SLC45A4: variants seen among roughly 807,000 people sequenced by gnomAD.
SLC45A4 encodes the protein solute carrier family 45 member 4.
SLC45A4 carries 32 observed loss-of-function variants against 63.7 expected under a neutral mutation model. The ratio of observed to expected loss-of-function variants is 0.50; its 90% confidence interval spans 0.38 to 0.67. SLC45A4 has a LOEUF of 0.67. SLC45A4 is among the 30% of genes least tolerant of loss of function. The pLI is 0.00. For synonymous variants in SLC45A4, 535 were observed against 510.0 expected (o/e 1.05, Z -0.66); for missense variants, 1,027 against 1,157.7 (o/e 0.89, Z 1.64).
At chr8:141,251,443 C>T (rs1274244451) in intron 2 of SLC45A4, among the ~76,000 whole-genome samples, 1 of 151,780 alleles carries the variant, frequency 6.6e-6, no homozygotes, top group East Asian at 1.9e-4. Flanking sequence ...TCTCGAAGCG[C>T]CCCCCCTGCC....
At chr8:141,297,209 C>A (rs1413039318) in intron 1 of SLC45A4, among the ~76,000 whole-genome samples, 1 of 152,160 alleles carries the variant, frequency 6.6e-6, no homozygotes. Context: ...TCCCTGGCTG[C>A]CTTCCCCTCT....
At chr8:141,269,123 C>G (rs947159739) in intron 1 of SLC45A4, among the ~76,000 whole-genome samples, 3 of 152,224 alleles carry the variant, frequency 2.0e-5, no homozygotes, top group South Asian at 4.1e-4. Context: ...GGGAGCGCCA[C>G]GAGCTCCACC....
chr8:141,294,346 G>C (rs1469926236), intron 1 of SLC45A4, among the ~76,000 whole-genome samples: 2 of 152,256 alleles, frequency 1.3e-5, no homozygotes, highest in Non-Finnish European at 2.9e-5. Flanking sequence ...GCGTGCAGAG[G>C]GAACGTGCAC....
intron 6 of SLC45A4, 117 bp downstream of exon 6, chr8:141,216,973 C>G (rs549235468): frequency 9.6e-7 from 1 of 1,042,864 alleles, no homozygotes; most frequent in Non-Finnish European, 1.4e-6. Flanking sequence ...TTTGAGGGAC[C>G]CAGAAGTCAG....
intron 1 of SLC45A4, among the ~76,000 whole-genome samples, chr8:141,282,294 C>G (rs1452400037): frequency 6.6e-6 from 1 of 152,218 alleles, no homozygotes; most frequent in African/African-American, 2.4e-5. Context: ...CTATGCTCCT[C>G]CTGCCTTCCC....
intron 1 of SLC45A4, among the ~76,000 whole-genome samples, chr8:141,287,312 G>T (rs1324393977): frequency 6.6e-6 from 1 of 152,188 alleles, no homozygotes; most frequent in African/African-American, 2.4e-5. Context: ...CTCTCCCGGC[G>T]GATACTAACT....
chr8:141,286,255 C>T (rs947397816), intron 1 of SLC45A4, among the ~76,000 whole-genome samples: 3 of 152,152 alleles, frequency 2.0e-5, no homozygotes, highest in South Asian at 2.1e-4. Context: ...TTCCTTCCCT[C>T]GGGAGCTGAG....
chr8:141,247,089 A>G (rs1245613928), intron 2 of SLC45A4, among the ~76,000 whole-genome samples: 1 of 152,252 alleles, frequency 6.6e-6, no homozygotes, highest in African/African-American at 2.4e-5. Flanking sequence ...AGCTGAAAGC[A>G]TAGTCTTTGA....
chr8:141,283,322 A>T (rs1563672459), intron 1 of SLC45A4, among the ~76,000 whole-genome samples: 2 of 152,196 alleles, frequency 1.3e-5, no homozygotes, highest in Admixed American at 1.3e-4. Flanking sequence ...TCTAAGGGGC[A>T]CCAGTGGCAG....
Position 141,249,898 on chromosome 8 carries a change from A to G in SLC45A4, c.241+4091T>C, listed in dbSNP as rs185683771. 5.1e-3 allele frequency among the ~76,000 whole-genome samples: 776 copies of G among 152,342 alleles called. 6 individuals carry two copies. The highest frequency in any genetic ancestry group is 0.02 in the Middle Eastern group (6 of 294). On this transcript the variant is annotated intron_variant, in intron 2 of 8. Transcript: ENST00000517878. ...ACAAACTCATTAAAGCCCTGTTCCTATAACCTGTAAAAATACCTTCTATTC... is the reference window on the plus strand; with the variant it reads ...ACAAACTCATTAAAGCCCTGTTCCTGTAACCTGTAAAAATACCTTCTATTC...
chr8:141,300,399 A>G (rs1282446991), intron 1 of SLC45A4, among the ~76,000 whole-genome samples: 2 of 152,228 alleles, frequency 1.3e-5, no homozygotes, highest in African/African-American at 4.8e-5. Context: ...ACCAAATTTC[A>G]TTAGGTCTAA....
chr8:141,213,699 G>A (rs533776755), intron 7 of SLC45A4, among the ~76,000 whole-genome samples: 13 of 152,208 alleles, frequency 8.5e-5, no homozygotes, highest in Admixed American at 5.9e-4. Flanking sequence ...CAGTGAACGC[G>A]CAAGCACGCG....
chr8:141,274,208 A>T (rs1829644598), intron 1 of SLC45A4, among the ~76,000 whole-genome samples: 1 of 143,792 alleles, frequency 7.0e-6, no homozygotes, highest in Non-Finnish European at 1.5e-5. Flanking sequence ...CAGCCTGGGC[A>T]ACAGAGGGAG....
In SLC45A4 at chr8:141,212,292, C is replaced by T. The variant is rs748871431; in HGVS notation, c.2206G>A (p.Gly736Ser). 31 of 1,607,080 alleles carry T rather than the reference C, an allele frequency of 1.9e-5. No homozygotes were observed. The highest frequency in any genetic ancestry group is 1.5e-4 in the Admixed American group (9 of 59,650). The part of the protein sequence containing the change: ...EQKGLSSPLA[G>S]EGRAGGNSEK... ...CTGTTCCCACCGGCCCTGCCTTCGC[C>T]GGCCAACGGGGAAGACAGGCCTTTC... Residue 736 changes from glycine (G) to serine (S), a missense_variant, in exon 8 of 9, where the codon GGC becomes AGC. Transcript: ENST00000517878.
chr8:141,227,320 C>T lies in SLC45A4; in HGVS notation c.242-5555G>A, dbSNP rs999917658. Among the ~76,000 whole-genome samples, 5 of 150,226 alleles carry T rather than the reference C, an allele frequency of 3.3e-5. No individual in the cohort carries two copies. The highest frequency in any genetic ancestry group is 2.1e-4 in the South Asian group (1 of 4,714). On this transcript the variant is annotated intron_variant, in intron 2 of 8. Transcript: ENST00000517878. The surrounding 1 kb of genome is among the most constrained non-coding windows in gnomAD (Gnocchi z 4.4). ...GGACTTTCTGGTGAGGGGAGACTGG[C>T]GGGGGGTGGGGAGGGCAAGGAGTGG...
At chr8:141,255,740 AAC>A in intron 1 of SLC45A4, among the ~76,000 whole-genome samples, 1 of 75,288 alleles carries the variant, frequency 1.3e-5, no homozygotes, top group Non-Finnish European at 2.5e-5. Context: ...AAAACAAACA[AAC>A]AAAAAAAACA....
intron 2 of SLC45A4, among the ~76,000 whole-genome samples, chr8:141,246,096 G>A (rs571646582): frequency 7.2e-5 from 11 of 152,282 alleles, no homozygotes; most frequent in African/African-American, 1.2e-4. Context: ...TTTCTGCTGC[G>A]ATATTTATCA....
intron 2 of SLC45A4, among the ~76,000 whole-genome samples, chr8:141,231,720 GCC>G (rs923276009): frequency 6.6e-6 from 1 of 152,202 alleles, no homozygotes; most frequent in Non-Finnish European, 1.5e-5. Flanking sequence ...TGTGGGCCCT[GCC>G]CAGCCCACTA....
At chr8:141,245,623 C>T (rs975857555) in intron 2 of SLC45A4, among the ~76,000 whole-genome samples, 2 of 152,154 alleles carry the variant, frequency 1.3e-5, no homozygotes, top group Non-Finnish European at 2.9e-5. Context: ...TGATGGCAGA[C>T]AACTCCCAAC....
Sources: allele counts gnomAD v4.1 joint callset (sites outside exome capture counted in the v4.1 genomes callset), GRCh38; gene constraint gnomAD v4.1.1; non-coding constraint Gnocchi (gnomAD v3.1); transcripts MANE v1.5; gene names NCBI Gene and HGNC (gene_info 2026-07-23, HGNC 2026-07-21).